FAM107B: variants seen among roughly 807,000 people sequenced by gnomAD.
FAM107B encodes protein FAM107B.
Under a neutral mutation model 31.5 loss-of-function variants are expected in FAM107B, and 21 were observed. The ratio of observed to expected loss-of-function variants is 0.67; its 90% CI spans 0.47 to 0.96. The LOEUF is 0.96. Among genes scored for constraint, FAM107B ranks in the 40% least tolerant of loss-of-function variants. FAM107B has a pLI of 0.00. For synonymous variants in FAM107B, 157 were observed against 141.5 expected, an observed-to-expected ratio of 1.11 and a Z score of -0.78; for missense variants, 452 against 377.1, an observed-to-expected ratio of 1.20 and a Z score of -1.64.
intron 2 of FAM107B, among the ~76,000 whole-genome samples, chr10:14,635,821 G>A (rs188532370): frequency 4.0e-5 from 6 of 151,802 alleles, no homozygotes; most frequent in South Asian, 2.1e-4. Flanking sequence ...TAGTAGAGGC[G>A]GGGTTTCACT....
At chr10:14,620,736 G>A (rs1852989932) in intron 2 of FAM107B, among the ~76,000 whole-genome samples, 1 of 152,084 alleles carries the variant, frequency 6.6e-6, no homozygotes, top group Non-Finnish European at 1.5e-5. Context: ...CTGTGTCCAT[G>A]TGTTCTTATT....
chr10:14,521,127 A>G lies in FAM107B; in HGVS notation c.*63T>C. 7.7e-7 allele frequency: 1 copy of G among 1,293,680 alleles called. No individual in the cohort carries two copies. Among genetic ancestry groups the G allele is most frequent in the Non-Finnish European group, 1.1e-6 (1 of 913,690 alleles). 80.1% of individuals were successfully genotyped at this position (1,293,680 alleles called of 1,614,324 possible). A position where few individuals can be genotyped will look rare whatever the true frequency, so the allele number is the denominator to read the frequency against. ...ATTCTCCAGGGGCTTTTGCCCTGAGATTGAGAAGGCACCCACAGACAGCTC... is the reference window on the plus strand; with the variant it reads ...ATTCTCCAGGGGCTTTTGCCCTGAGGTTGAGAAGGCACCCACAGACAGCTC... On this transcript the variant is annotated 3_prime_UTR_variant, in exon 5 of 5. Transcript: ENST00000181796.
chr10:14,713,056 C>T (rs138208798), intron 1 of FAM107B, among the ~76,000 whole-genome samples: 46 of 152,246 alleles, frequency 3.0e-4, no homozygotes, highest in Non-Finnish European at 5.3e-4. Flanking sequence ...GGACTGAACT[C>T]GCTGATACGA....
At position 14,548,836 on chromosome 10, in the gene FAM107B, GCA is replaced by G. The variant is rs1383876312; in HGVS notation, c.470-18323_470-18322del. ...AGTACACATGCACACGCACACACAC[GCA>G]CACACACACCGACTGAATGCTGAGT... On this transcript the variant is annotated intron_variant, in intron 2 of 4. Coordinates refer to ENST00000181796, the MANE Select transcript of FAM107B (RefSeq NM_031453.4). 6.2e-3 allele frequency among the ~76,000 whole-genome samples: 50 copies of G among 8,120 alleles called. No homozygotes were observed. In the South Asian group the frequency reaches 0.24, roughly 39 times the overall value. 5.3% of individuals were successfully genotyped at this position (8,120 alleles called of 152,430 possible). A position where few individuals can be genotyped will look rare whatever the true frequency, so the allele number is the denominator to read the frequency against.
chr10:14,566,918 G>A (rs1177588703), intron 2 of FAM107B, among the ~76,000 whole-genome samples: 1 of 152,338 alleles, frequency 6.6e-6, no homozygotes, highest in South Asian at 2.1e-4. Flanking sequence ...TTGGGAGGCC[G>A]AGGCGGGCAA....
At chr10:14,606,196 A>C (rs1160288602) in intron 2 of FAM107B, among the ~76,000 whole-genome samples, 1 of 152,148 alleles carries the variant, frequency 6.6e-6, no homozygotes, top group Non-Finnish European at 1.5e-5. Context: ...AGACTGGATG[A>C]AATAATGAAT....
At chr10:14,574,926 C>T (rs1279974693) in intron 2 of FAM107B, among the ~76,000 whole-genome samples, 2 of 152,116 alleles carry the variant, frequency 1.3e-5, no homozygotes, top group African/African-American at 4.8e-5. Flanking sequence ...TCATATTACC[C>T]TAGGGTACAG....
chr10:14,774,686 A>C lies in FAM107B; in HGVS notation c.-23T>G, dbSNP rs1381075292. ...CATGACTTGCAGTGAATCATTGCAAAGTTCAAACGGGGCAAGGAAATTTTC... is the reference window on the plus strand; with the variant it reads ...CATGACTTGCAGTGAATCATTGCAACGTTCAAACGGGGCAAGGAAATTTTC... On this transcript the variant is annotated 5_prime_UTR_variant, in exon 1 of 5. Transcript: ENST00000181796. The C allele has an allele frequency of 2.5e-6, 4 of 1,598,232 alleles. No homozygotes were observed. Among genetic ancestry groups the C allele is most frequent in the Non-Finnish European group, 3.4e-6 (4 of 1,171,066 alleles).
rs192562771 is a variant in FAM107B, at chr10:14,598,124, T to C, written c.470-67609A>G. Among the ~76,000 whole-genome samples, 52 of 152,304 alleles carry C rather than the reference T, an allele frequency of 3.4e-4. No homozygotes were observed. In the East Asian group the frequency reaches 8.5e-3, roughly 25 times the overall value. On this transcript the variant is annotated intron_variant, in intron 2 of 4. Transcript: ENST00000181796. ...CCAACATTTTTCCCCATTCCACAGG[T>C]TGCCTTTTCACTCCGTTGACTGTTT...
intron 1 of FAM107B, among the ~76,000 whole-genome samples, chr10:14,686,159 T>C (rs7921521): frequency 0.68 from 103,551 of 151,526 alleles, 35,511 homozygotes; most frequent in Middle Eastern, 0.8. Flanking sequence ...GAGGCCGAGG[T>C]GGGCAGATCA....
chr10:14,675,208 C>A (rs1042027734), intron 1 of FAM107B, among the ~76,000 whole-genome samples: 1 of 152,130 alleles, frequency 6.6e-6, no homozygotes, highest in African/African-American at 2.4e-5. Flanking sequence ...GAGGCTCAGA[C>A]CATCCTCTCC....
intron 1 of FAM107B, among the ~76,000 whole-genome samples, chr10:14,694,919 T>C (rs1040874693): frequency 2.0e-5 from 3 of 152,212 alleles, no homozygotes; most frequent in African/African-American, 7.2e-5. Flanking sequence ...ATCAGAGATA[T>C]ATTTTGTATA....
At chr10:14,548,730 GC>G (rs1430101980) in intron 2 of FAM107B, 5 of 908,120 alleles carry the variant, frequency 5.5e-6, no homozygotes, top group African/African-American at 1.8e-5. Flanking sequence ...CGCAAAACGT[GC>G]CAGAAAAATG....
At chr10:14,662,049 A>G (rs935304747) in intron 2 of FAM107B, among the ~76,000 whole-genome samples, 3 of 152,146 alleles carry the variant, frequency 2.0e-5, no homozygotes, top group African/African-American at 7.2e-5. Flanking sequence ...TCTCCACCCA[A>G]TGTATCACCA....
intron 1 of FAM107B, among the ~76,000 whole-genome samples, chr10:14,739,440 T>C (rs1407528007): frequency 6.6e-6 from 1 of 152,204 alleles, no homozygotes; most frequent in Non-Finnish European, 1.5e-5. Context: ...AAGGTATTTT[T>C]ACCTGCCAGG....
chr10:14,576,058 T>C (rs1851453874), intron 2 of FAM107B, among the ~76,000 whole-genome samples: 1 of 152,084 alleles, frequency 6.6e-6, no homozygotes, highest in Admixed American at 6.5e-5. Context: ...TCACAGAAAG[T>C]AGAATGCTGC....
intron 1 of FAM107B, among the ~76,000 whole-genome samples, chr10:14,690,659 A>T (rs1380719624): frequency 2.0e-5 from 3 of 151,984 alleles, no homozygotes; most frequent in Non-Finnish European, 4.4e-5. Context: ...TCACCTTGTT[A>T]GCCAGGATGG....
intron 2 of FAM107B, among the ~76,000 whole-genome samples, chr10:14,564,530 T>C (rs1233576936): frequency 6.6e-6 from 1 of 150,512 alleles, no homozygotes; most frequent in Non-Finnish European, 1.5e-5. Flanking sequence ...AAAGATAAAA[T>C]ATTATAAAAA....
At chr10:14,530,541 C>A (rs1564529386) in intron 2 of FAM107B, 26 bp from the exon 3 acceptor site, 1 of 1,607,570 alleles carries the variant, frequency 6.2e-7, no homozygotes, top group South Asian at 1.1e-5. Context: ...GAGAAACACT[C>A]ATTTGCAGTT....
Sources: allele counts gnomAD v4.1 joint callset (sites outside exome capture counted in the v4.1 genomes callset), GRCh38; gene constraint gnomAD v4.1.1; transcripts MANE v1.5; gene names NCBI Gene and HGNC (gene_info 2026-07-23, HGNC 2026-07-21).